The following SLC10A7 variants were observed in gnomAD, a reference collection of about 807,000 sequenced individuals.
SLC10A7 encodes solute carrier family 10 member 7, also known as sodium/bile acid cotransporter 7.
A neutral mutation model predicts 43.2 loss-of-function variants in SLC10A7; 29 were observed. That is an observed-to-expected ratio of 0.67 (90% confidence interval 0.50 to 0.92). The LOEUF (loss-of-function observed/expected upper bound fraction) is 0.92. Among genes scored for constraint, SLC10A7 ranks in the 40% least tolerant of loss-of-function variants. The pLI is 0.00. For synonymous variants in SLC10A7, 152 were observed against 144.8 expected, an observed-to-expected ratio of 1.05 and a Z score of -0.35; for missense variants, 295 against 403.2, an observed-to-expected ratio of 0.73 and a Z score of 2.30.
At chr4:146,440,491 T>C (rs1429082030) in intron 5 of SLC10A7, among the ~76,000 whole-genome samples, 1 of 152,122 alleles carries the variant, frequency 6.6e-6, no homozygotes, top group Non-Finnish European at 1.5e-5. Flanking sequence ...TGGCCCATGA[T>C]GAGACCATGA....
intron 4 of SLC10A7, among the ~76,000 whole-genome samples, chr4:146,459,267 T>C (rs1403298318): frequency 6.6e-6 from 1 of 151,722 alleles, no homozygotes; most frequent in Non-Finnish European, 1.5e-5. Flanking sequence ...TTCTCCACAT[T>C]GATTTATAGA....
chr4:146,439,939 C>G (rs1713330645), intron 5 of SLC10A7, among the ~76,000 whole-genome samples: 1 of 152,154 alleles, frequency 6.6e-6, no homozygotes, highest in African/African-American at 2.4e-5. Flanking sequence ...TTTCACTCCT[C>G]TAAAATAAAT....
intron 8 of SLC10A7, among the ~76,000 whole-genome samples, 190 bp downstream of exon 8, chr4:146,293,740 A>G (rs943135125): frequency 1.8e-4 from 27 of 152,196 alleles, no homozygotes; most frequent in Admixed American, 1.8e-3. Flanking sequence ...AACAAAGGAA[A>G]TTACGATATA....
intron 9 of SLC10A7, among the ~76,000 whole-genome samples, chr4:146,289,281 C>T (rs898720727): frequency 1.1e-4 from 17 of 152,168 alleles, no homozygotes; most frequent in African/African-American, 3.9e-4. Context: ...TCCCATCCTG[C>T]TTCTCCCAGG....
Position 146,429,566 on chromosome 4 carries a change from A to G in SLC10A7, c.435+13217T>C, listed in dbSNP as rs1729621052. Among the ~76,000 whole-genome samples, 4 of 151,694 alleles carry G rather than the reference A, an allele frequency of 2.6e-5. No individual in the cohort carries two copies. The South Asian group carries it at 8.3e-4, about 31-fold the overall frequency. On this transcript the variant is annotated intron_variant, in intron 5 of 11. Coordinates refer to ENST00000335472, the MANE Select transcript of SLC10A7 (RefSeq NM_001029998.6). ...AATGACAAATTATATACTATGTTGG[A>G]AGACATTATTTTATAGAAAGAAAAA...
chr4:146,365,842 C>T (rs114764888), intron 5 of SLC10A7, among the ~76,000 whole-genome samples: 4 of 152,186 alleles, frequency 2.6e-5, no homozygotes, highest in African/African-American at 9.7e-5. Context: ...AAGCCCTGGG[C>T]AGTGGACCAA....
At chr4:146,347,461 T>C (rs1180149455) in intron 5 of SLC10A7, among the ~76,000 whole-genome samples, 2 of 152,302 alleles carry the variant, frequency 1.3e-5, no homozygotes, top group Middle Eastern at 3.4e-3. Context: ...GTAACCAAAA[T>C]GTCAGCAAAA....
chr4:146,461,453 T>C (rs998372096), intron 4 of SLC10A7, among the ~76,000 whole-genome samples: 10 of 152,014 alleles, frequency 6.6e-5, no homozygotes, highest in African/African-American at 9.7e-5. Flanking sequence ...TAAGCCTTCA[T>C]TATCTAAGTA....
rs140506706 is a variant in SLC10A7 at position 146,495,079 on chromosome 4, TCTTTCATCTGTTA to T, written c.396+8757_396+8769del. On this transcript the variant is annotated intron_variant, in intron 4 of 11. Transcript: ENST00000335472. ...TTGCTGTTGCTGCTGTTACTTCTGTTCTTTCATCTGTTAAAGAGGGAAATGTAGCTGTTACTAC... is the reference window on the plus strand; with the variant it reads ...TTGCTGTTGCTGCTGTTACTTCTGTTAAGAGGGAAATGTAGCTGTTACTAC... 7.0e-3 allele frequency among the ~76,000 whole-genome samples: 1,072 copies of T among 152,330 alleles called. 9 individuals carry two copies. The highest frequency in any genetic ancestry group is 0.025 in the African/African-American group (1,038 of 41,588).
At chr4:146,266,942 G>T (rs1728596636) in intron 10 of SLC10A7, among the ~76,000 whole-genome samples, 1 of 152,150 alleles carries the variant, frequency 6.6e-6, no homozygotes, top group Non-Finnish European at 1.5e-5. Flanking sequence ...TATAGCAAGT[G>T]TTCATCCATT....
chr4:146,350,821 C>T (rs1439025000), intron 5 of SLC10A7, among the ~76,000 whole-genome samples: 1 of 122,254 alleles, frequency 8.2e-6, no homozygotes, highest in Admixed American at 8.0e-5. Flanking sequence ...AGCTGAGGGT[C>T]CTGTCTGTTA....
At chr4:146,439,346 T>G (rs1225819141) in intron 5 of SLC10A7, among the ~76,000 whole-genome samples, 1 of 152,038 alleles carries the variant, frequency 6.6e-6, no homozygotes, top group African/African-American at 2.4e-5. Flanking sequence ...TGCCTGAAAA[T>G]CAACAAAAAT....
intron 4 of SLC10A7, 40 bp from the exon 5 acceptor site, chr4:146,442,861 G>A: frequency 7.4e-7 from 1 of 1,344,918 alleles, no homozygotes; most frequent in Non-Finnish European, 1.0e-6. Flanking sequence ...CTCATTGAAA[G>A]TAAATAAGAA....
chr4:146,306,479 T>C (rs1731580367), intron 6 of SLC10A7, among the ~76,000 whole-genome samples: 1 of 152,176 alleles, frequency 6.6e-6, no homozygotes, highest in African/African-American at 2.4e-5. Context: ...TCAGATCCCG[T>C]AGAATTTTTT....
intron 3 of SLC10A7, among the ~76,000 whole-genome samples, chr4:146,505,628 C>T (rs1736830314): frequency 6.6e-6 from 1 of 152,100 alleles, no homozygotes; most frequent in South Asian, 2.1e-4. Flanking sequence ...AATGTTTAAA[C>T]TCGTTTTGAT....
At chr4:146,280,545 A>G (rs1018420120) in intron 10 of SLC10A7, among the ~76,000 whole-genome samples, 10 of 152,196 alleles carry the variant, frequency 6.6e-5, no homozygotes, top group African/African-American at 2.4e-4. Flanking sequence ...AAAACAAACA[A>G]AAAAGAATTT....
At chr4:146,298,562 G>A (rs1451913487) in intron 7 of SLC10A7, among the ~76,000 whole-genome samples, 1 of 152,130 alleles carries the variant, frequency 6.6e-6, no homozygotes, top group African/African-American at 2.4e-5. Flanking sequence ...GTTTTAGTGT[G>A]CTGCTTTAAA....
chr4:146,500,191 T>C (rs527695579), intron 4 of SLC10A7, among the ~76,000 whole-genome samples: 33 of 152,338 alleles, frequency 2.2e-4, no homozygotes, highest in African/African-American at 7.7e-4. Context: ...AAGCTAAATG[T>C]GGCTTTGAGA....
intron 5 of SLC10A7, among the ~76,000 whole-genome samples, chr4:146,436,287 T>G (rs1560905405): frequency 6.6e-6 from 1 of 152,116 alleles, no homozygotes; most frequent in Admixed American, 6.5e-5. Context: ...ACAAAGACCA[T>G]TTTTTATTTA....
Sources: allele counts gnomAD v4.1 joint callset (sites outside exome capture counted in the v4.1 genomes callset), GRCh38; gene constraint gnomAD v4.1.1; transcripts MANE v1.5; gene names NCBI Gene and HGNC (gene_info 2026-07-23, HGNC 2026-07-21).